The following VPS54 variants were observed in gnomAD, a reference collection of about 807,000 sequenced individuals.
The protein encoded by VPS54 is vacuolar protein sorting-associated protein 54.
VPS54 carries 45 observed loss-of-function variants against 121.5 expected under a neutral mutation model. The observed-to-expected ratio is 0.37, with a 90% CI of 0.29 to 0.47. The LOEUF is 0.47. Among genes scored for constraint, VPS54 ranks in the 20% least tolerant of loss-of-function variants. The pLI is 0.99. For synonymous variants in VPS54, 371 were observed against 385.8 expected, an observed-to-expected ratio of 0.96 and a Z score of 0.45; for missense variants, 1,090 against 1,131.4, an observed-to-expected ratio of 0.96 and a Z score of 0.52.
intron 3 of VPS54, chr2:63,975,047 T>TA (rs2104594863): frequency 1.3e-6 from 2 of 1,482,760 alleles, no homozygotes; most frequent in Non-Finnish European, 1.8e-6. Context: ...TTTTTGTAGA[T>TA]TTTTTTTTTC....
chr2:63,980,393 T>G (rs958542098), intron 3 of VPS54, among the ~76,000 whole-genome samples: 3 of 152,160 alleles, frequency 2.0e-5, no homozygotes, highest in African/African-American at 7.2e-5. Context: ...TCTCACAATC[T>G]CTGCCTTTTA....
At chr2:63,967,932 C>A (rs77402131) in intron 5 of VPS54, among the ~76,000 whole-genome samples, 4,114 of 152,022 alleles carry the variant, frequency 0.027, 183 homozygotes, top group African/African-American at 0.095. Context: ...AGGGAAAAGT[C>A]TTCCAGGATC....
intron 1 of VPS54, among the ~76,000 whole-genome samples, chr2:64,008,007 TA>T (rs1559055878): frequency 6.9e-6 from 1 of 145,152 alleles, no homozygotes; most frequent in African/African-American, 2.6e-5. Flanking sequence ...TCTTTGGTGG[TA>T]AAAGGAAAAA....
At chr2:63,900,570 A>G (rs1270649305) in intron 20 of VPS54, among the ~76,000 whole-genome samples, 1 of 152,210 alleles carries the variant, frequency 6.6e-6, no homozygotes, top group Non-Finnish European at 1.5e-5. Flanking sequence ...ATAACTGTCT[A>G]AAAGCTGGTT....
At chr2:63,989,924 G>C (rs1677234813) in intron 1 of VPS54, among the ~76,000 whole-genome samples, 1 of 152,176 alleles carries the variant, frequency 6.6e-6, no homozygotes, top group South Asian at 2.1e-4. Context: ...TCTATTCAAG[G>C]CGGTGGAAAA....
At chr2:63,943,727 C>CTTTT (rs1553476083) in intron 10 of VPS54, among the ~76,000 whole-genome samples, 1 of 129,600 alleles carries the variant, frequency 7.7e-6, no homozygotes, top group Non-Finnish European at 1.6e-5. Flanking sequence ...TTCTTTCTTT[C>CTTTT]TTTTTTTTTT....
intron 1 of VPS54, among the ~76,000 whole-genome samples, chr2:64,005,531 G>T (rs773874021): frequency 2.0e-5 from 3 of 152,202 alleles, no homozygotes; most frequent in Non-Finnish European, 4.4e-5. Context: ...TGGTGACAAA[G>T]CTACAGGTAC....
At chr2:64,018,539 T>C (rs1678819203) in intron 1 of VPS54, among the ~76,000 whole-genome samples, 1 of 151,920 alleles carries the variant, frequency 6.6e-6, no homozygotes. Flanking sequence ...CAAACAAATG[T>C]TTTAACGATT....
At chr2:63,932,782 T>G (rs1275476831) in intron 12 of VPS54, among the ~76,000 whole-genome samples, 1 of 152,162 alleles carries the variant, frequency 6.6e-6, no homozygotes, top group Non-Finnish European at 1.5e-5. Flanking sequence ...ATTTTATTGG[T>G]TCTATTTTTT....
At chr2:63,984,040 CTAAT>C in intron 1 of VPS54, 21 bp from the exon 2 acceptor site, 1 of 1,542,160 alleles carries the variant, frequency 6.5e-7, no homozygotes. Flanking sequence ...GTAAGAAATA[CTAAT>C]TAAGACACCG....
chr2:63,933,580 T>C (rs1362081595), intron 12 of VPS54, 93 bp downstream of exon 12: 7 of 1,189,808 alleles, frequency 5.9e-6, no homozygotes, highest in African/African-American at 1.5e-5. Flanking sequence ...AAAATTTACA[T>C]GGTTTTTCAA....
intron 1 of VPS54, among the ~76,000 whole-genome samples, chr2:64,013,663 T>TATATATATCTATATATTG (rs1678547735): frequency 7.0e-6 from 1 of 141,968 alleles, no homozygotes; most frequent in Admixed American, 7.1e-5. Flanking sequence ...TATATATTGA[T>TATATATATCTATATATTG]ATATATATCT....
chr2:63,925,345 C>T (rs1673848402), intron 12 of VPS54, among the ~76,000 whole-genome samples: 1 of 152,164 alleles, frequency 6.6e-6, no homozygotes, highest in Non-Finnish European at 1.5e-5. Flanking sequence ...ACATACCCAA[C>T]AGAATGGCTA....
Position 63,920,598 on chromosome 2 carries a change from C to A in VPS54, c.1899G>T (p.Met633Ile). ...TTAATCTAGAAAGTGTTATGAATTC[C>A]ATGGAATTTAGCTTCTCAAGAAAAC... Reference protein sequence around the residue: ...KDGFLEKLNSMEFITLSRLME... With the variant: ...KDGFLEKLNSIEFITLSRLME... The change falls in exon 14 of 23, where the codon ATG (methionine) becomes ATT (isoleucine). Residue 633 changes from methionine to isoleucine, a missense_variant. Physicochemically the swap from Met to Ile is conservative, Grantham distance 10. Coordinates refer to ENST00000272322, the MANE Select transcript of VPS54 (RefSeq NM_016516.3). 1 of 1,527,456 alleles carries A rather than the reference C, an allele frequency of 6.5e-7. No homozygotes were observed. The highest frequency in any genetic ancestry group is 8.8e-7 in the Non-Finnish European group (1 of 1,138,978). 94.6% of individuals were successfully genotyped at this position (1,527,456 alleles called of 1,614,324 possible).
Position 63,983,900 on chromosome 2 carries a change from G to A in VPS54, c.100C>T (p.Pro34Ser). The A allele has an allele frequency of 1.2e-6, 2 of 1,612,724 alleles. No homozygotes were observed. The highest frequency in any genetic ancestry group is 1.3e-5 in the African/African-American group (1 of 74,918). The change falls in exon 2 of 23, where the codon CCA becomes TCA. Residue 34 changes from proline (P) to serine (S), a missense_variant. Around this residue, in one of 2 missense-constraint regions of VPS54, gnomAD observed 801 missense variants for 757.0 expected, o/e 1.06. Transcript: ENST00000272322. ...VDPSKHIRPV[P>S]SLPDVCPKEP... ...TTGGGACACACATCTGGCAGTGATG[G>A]CACAGGTCGAATGTGTTTTGACGGA... is the stretch of plus-strand genomic sequence containing the variant.
intron 7 of VPS54, among the ~76,000 whole-genome samples, chr2:63,951,352 T>C (rs1412548027): frequency 6.6e-6 from 1 of 152,084 alleles, no homozygotes; most frequent in African/African-American, 2.4e-5. Context: ...CCAGTGAACT[T>C]AGTATGGGTC....
chr2:63,942,563 T>C lies in VPS54; in HGVS notation c.1302-2A>G. ...AACATTCTCATCTGATCTGCAAGCC[T>C]AGAAAAAAATAATTCAAACAAAAAT... On this transcript the variant is annotated splice_acceptor_variant, in intron 10 of 22. Coordinates refer to ENST00000272322, the MANE Select transcript of VPS54 (RefSeq NM_016516.3). LOFTEE classifies it high-confidence loss of function. The C allele has an allele frequency of 6.4e-7, 1 of 1,572,716 alleles. No homozygotes were observed. Among genetic ancestry groups the C allele is most frequent in the Non-Finnish European group, 8.6e-7 (1 of 1,157,318 alleles).
chr2:63,914,000 G>T, intron 17 of VPS54, 182 bp downstream of exon 17: 1 of 1,202,782 alleles, frequency 8.3e-7, no homozygotes, highest in Non-Finnish European at 1.1e-6. Flanking sequence ...TAACTGTGGA[G>T]TAAGAAGGAA....
In VPS54 at chr2:63,893,312, C is replaced by T. The variant is rs769199514; in HGVS notation, c.*118G>A. 2.7e-5 allele frequency: 24 copies of T among 890,932 alleles called. No homozygotes were observed. The African/African-American group carries it at 3.8e-4, about 14-fold the overall frequency. 55.2% of individuals were successfully genotyped at this position (890,932 alleles called of 1,614,324 possible). On this transcript the variant is annotated 3_prime_UTR_variant, in exon 23 of 23. Coordinates refer to ENST00000272322, the MANE Select transcript of VPS54 (RefSeq NM_016516.3). ...CACTTGATACTTTCCTTTTTCCCTTCCCCCACCCCAGTTCACTTTGGGTTT... is the reference window on the plus strand; with the variant it reads ...CACTTGATACTTTCCTTTTTCCCTTTCCCCACCCCAGTTCACTTTGGGTTT...
Sources: gnomAD v4.1 joint callset for allele counts (sites outside exome capture counted in the v4.1 genomes callset) on GRCh38, gnomAD v4.1.1 for gene constraint, gnomAD v4.1.1 regional missense constraint, MANE v1.5 for transcripts, NCBI Gene and HGNC (gene_info 2026-07-23, HGNC 2026-07-21) for gene names.